Variants in QTMAN observed in about 807,000 individuals in gnomAD.
The protein encoded by QTMAN is tRNA-queuosine alpha-mannosyltransferase.
chr2:144,271,781 C>CAG, the QTMAN span, among the ~76,000 whole-genome samples: 1 of 152,144 alleles, frequency 6.6e-6, no homozygotes, highest in Non-Finnish European at 1.5e-5. Context: ...CTGAGCAAGT[C>CAG]AGGTAATATC....
the QTMAN span, among the ~76,000 whole-genome samples, chr2:143,967,579 C>A: frequency 2.6e-5 from 4 of 152,162 alleles, no homozygotes; most frequent in Non-Finnish European, 5.9e-5. Context: ...GATCCACCCA[C>A]CTCGGCCTCC....
At chr2:144,041,442 C>G in the QTMAN span, among the ~76,000 whole-genome samples, 1 of 152,100 alleles carries the variant, frequency 6.6e-6, no homozygotes, top group Non-Finnish European at 1.5e-5. Flanking sequence ...TGTCACATAC[C>G]AGTACCTGTA....
chr2:144,310,017 A>C, the QTMAN span, among the ~76,000 whole-genome samples: 1 of 124,736 alleles, frequency 8.0e-6, no homozygotes, highest in Non-Finnish European at 1.7e-5. Context: ...TCTGAAAGAA[A>C]AAGGTCATAA....
the QTMAN span, among the ~76,000 whole-genome samples, chr2:143,963,324 A>G: frequency 6.6e-6 from 1 of 152,150 alleles, no homozygotes; most frequent in African/African-American, 2.4e-5. Flanking sequence ...TTGTTTTATC[A>G]TATAAACATT....
the QTMAN span, among the ~76,000 whole-genome samples, chr2:143,989,504 G>T: frequency 6.6e-6 from 1 of 152,144 alleles, no homozygotes; most frequent in Non-Finnish European, 1.5e-5. Context: ...GAGAAAGCAT[G>T]AGTGGTCCTT....
At chr2:143,975,421 T>A in the QTMAN span, among the ~76,000 whole-genome samples, 12 of 152,330 alleles carry the variant, frequency 7.9e-5, no homozygotes, top group Non-Finnish European at 1.8e-4. Flanking sequence ...AATGCTATAG[T>A]GTTCCCAGGA....
At chr2:144,028,824 G>C in the QTMAN span, among the ~76,000 whole-genome samples, 1 of 152,118 alleles carries the variant, frequency 6.6e-6, no homozygotes, top group Non-Finnish European at 1.5e-5. Context: ...CTTTCATTTT[G>C]TTTTACTTGT....
chr2:144,303,548 A>C, the QTMAN span, among the ~76,000 whole-genome samples: 76 of 152,356 alleles, frequency 5.0e-4, no homozygotes, highest in African/African-American at 1.6e-3. Flanking sequence ...TTAAAAGAGA[A>C]GTCATCAAGA....
the QTMAN span, among the ~76,000 whole-genome samples, chr2:144,242,321 G>A: frequency 1.7e-4 from 26 of 151,492 alleles, 1 homozygote; most frequent in East Asian, 3.3e-3. Flanking sequence ...AAAAAAACAA[G>A]CAGGAGAAAA....
chr2:143,986,635 A>T, the QTMAN span, among the ~76,000 whole-genome samples: 9 of 152,326 alleles, frequency 5.9e-5, no homozygotes, highest in African/African-American at 2.2e-4. Context: ...ATATTATTTG[A>T]TGGATAGATG....
the QTMAN span, among the ~76,000 whole-genome samples, chr2:144,101,064 T>A: frequency 1.3e-5 from 2 of 151,946 alleles, no homozygotes; most frequent in Non-Finnish European, 2.9e-5. Context: ...CAGATGGGGT[T>A]TCACCATGTT....
chr2:143,979,931 T>C, the QTMAN span, among the ~76,000 whole-genome samples: 1 of 152,208 alleles, frequency 6.6e-6, no homozygotes, highest in East Asian at 1.9e-4. Flanking sequence ...TCCAAATCTC[T>C]TAGCGAGGCC....
the QTMAN span, among the ~76,000 whole-genome samples, chr2:144,106,201 C>T: frequency 1.3e-5 from 2 of 152,262 alleles, no homozygotes; most frequent in East Asian, 3.9e-4. Flanking sequence ...CATCAACTAA[C>T]AAGCAAAATC....
the QTMAN span, among the ~76,000 whole-genome samples, chr2:144,233,860 T>G: frequency 1.3e-5 from 2 of 152,088 alleles, no homozygotes; most frequent in East Asian, 1.9e-4. Flanking sequence ...TGTGAGAGAT[T>G]AACATTTTTT....
the QTMAN span, chr2:144,179,028 T>C: frequency 2.2e-6 from 1 of 459,218 alleles, no homozygotes; most frequent in Non-Finnish European, 4.5e-6. Flanking sequence ...TTTAAATTAT[T>C]ACGGCTAGCA....
At chr2:144,199,742 A>G in the QTMAN span, among the ~76,000 whole-genome samples, 2 of 152,236 alleles carry the variant, frequency 1.3e-5, no homozygotes, top group Non-Finnish European at 2.9e-5. Context: ...AAGTTGAATG[A>G]GAGACATGAC....
chr2:144,155,966 T>C, the QTMAN span, among the ~76,000 whole-genome samples: 1 of 152,000 alleles, frequency 6.6e-6, no homozygotes, highest in African/African-American at 2.4e-5. Context: ...ATATAGGGAC[T>C]TGCTATTTCT....
the QTMAN span, among the ~76,000 whole-genome samples, chr2:144,188,508 CGGATGGATGGATGGATGGATGGAT>C: frequency 4.0e-5 from 6 of 148,742 alleles, no homozygotes; most frequent in South Asian, 2.2e-4. Flanking sequence ...CTTTTGCAAT[CGGATGGATGGATGGATGGATGGAT>C]GGATGGATGG....
chr2:143,967,173 A>G, the QTMAN span, among the ~76,000 whole-genome samples: 7 of 152,212 alleles, frequency 4.6e-5, 1 homozygote, highest in African/African-American at 9.6e-5. Flanking sequence ...AGCATTACAT[A>G]AAATAATCAG....
Sources: allele counts gnomAD v4.1 joint callset (sites outside exome capture counted in the v4.1 genomes callset), GRCh38; gene constraint gnomAD v4.1.1; transcripts MANE v1.5; gene names NCBI Gene and HGNC (gene_info 2026-07-23, HGNC 2026-07-21).